The following VIPR2 variants were observed in gnomAD, a reference collection of about 807,000 sequenced individuals.
VIPR2 encodes the protein vasoactive intestinal peptide receptor 2.
In VIPR2, 48 loss-of-function variants were observed where a neutral mutation model predicts 58.0. The observed-to-expected ratio is 0.83, with a 90% CI of 0.66 to 1.05. VIPR2 has a LOEUF of 1.05. VIPR2 is among the 50% of genes least tolerant of loss of function. The pLI is 0.00. For synonymous variants in VIPR2, 243 were observed against 235.2 expected (o/e 1.03, Z -0.30); for missense variants, 534 against 558.0 (o/e 0.96, Z 0.43).
chr7:159,091,846 G>C (rs1489714118), intron 4 of VIPR2, among the ~76,000 whole-genome samples: 1 of 152,224 alleles, frequency 6.6e-6, no homozygotes, highest in African/African-American at 2.4e-5. Context: ...AAGCCACCTG[G>C]GCCAGGGGCA....
At position 159,096,973 on chromosome 7, in the gene VIPR2, C is replaced by A. The variant is rs749319488; in HGVS notation, c.357+6784G>T. On this transcript the variant is annotated intron_variant, in intron 4 of 12. Coordinates refer to ENST00000262178, the MANE Select transcript of VIPR2 (RefSeq NM_003382.5). The surrounding 1 kb of genome is among the most constrained non-coding windows in gnomAD (Gnocchi z 5.5). The stretch of plus-strand genomic sequence containing the variant: ...GCTTGGCACCTGCTGGGCCTGAGGA[C>A]CATGAGGGGAGGCTTCCTTCAGAAA... 26 of 1,550,604 alleles carry A rather than the reference C, an allele frequency of 1.7e-5. No individual in the cohort carries two copies. In the South Asian group the frequency reaches 2.5e-4, roughly 15 times the overall value.
intron 3 of VIPR2, 77 bp downstream of exon 3, chr7:159,109,735 G>T: frequency 2.9e-6 from 4 of 1,372,984 alleles, no homozygotes; most frequent in Non-Finnish European, 4.2e-6. Flanking sequence ...TGATGTTCCT[G>T]CTTCTTGGAT....
chr7:159,077,216 T>C (rs952402670), intron 4 of VIPR2, among the ~76,000 whole-genome samples: 14 of 152,286 alleles, frequency 9.2e-5, no homozygotes, highest in African/African-American at 3.1e-4. Flanking sequence ...GAGACAAAAG[T>C]TGTGTTCTGG....
Position 159,139,547 on chromosome 7 carries a change from C to T in VIPR2, c.151+2899G>A, listed in dbSNP as rs185875669. 4.2e-3 allele frequency among the ~76,000 whole-genome samples: 647 copies of T among 152,326 alleles called. 5 individuals carry two copies. Among genetic ancestry groups the T allele is most frequent in the Non-Finnish European group, 5.5e-3 (374 of 68,028 alleles). On this transcript the variant is annotated intron_variant, in intron 2 of 12. Transcript: ENST00000262178. ...ACCTCAAACCCTCCATAGTTCCTGA[C>T]ATGTAGATCGAAATTAGTTCAGCAT...
At chr7:159,091,992 T>G (rs1857532065) in intron 4 of VIPR2, among the ~76,000 whole-genome samples, 1 of 152,224 alleles carries the variant, frequency 6.6e-6, no homozygotes, top group Non-Finnish European at 1.5e-5. Context: ...CTCTGGAGGC[T>G]GAGGCACGAG....
chr7:159,075,192 C>T (rs1467919184), intron 4 of VIPR2, among the ~76,000 whole-genome samples: 1 of 152,174 alleles, frequency 6.6e-6, no homozygotes, highest in Non-Finnish European at 1.5e-5. Flanking sequence ...TGACCTTTGC[C>T]TGTGAGTCAA....
At chr7:159,042,982 G>C in intron 6 of VIPR2, 53 bp downstream of exon 6, 1 of 1,589,062 alleles carries the variant, frequency 6.3e-7, no homozygotes. Context: ...TGAGAAGAGG[G>C]AACAGAGATA....
At chr7:159,063,744 GGA>G (rs1855871223) in intron 4 of VIPR2, among the ~76,000 whole-genome samples, 1 of 142,112 alleles carries the variant, frequency 7.0e-6, no homozygotes, top group African/African-American at 2.6e-5. Context: ...GGGCCTGGCG[GGA>G]TCTGGGGGAC....
chr7:159,083,407 C>T (rs570942920), intron 4 of VIPR2, among the ~76,000 whole-genome samples: 1 of 152,246 alleles, frequency 6.6e-6, no homozygotes, highest in African/African-American at 2.4e-5. Flanking sequence ...TCAGGTAGTT[C>T]CCCTTCTGGG....
At chr7:159,069,912 G>A (rs1483700125) in intron 4 of VIPR2, among the ~76,000 whole-genome samples, 2 of 152,192 alleles carry the variant, frequency 1.3e-5, no homozygotes, top group Admixed American at 1.3e-4. Context: ...GTCGTTGGCT[G>A]ATTCTTGTTC....
At chr7:159,130,250 A>C (rs1796844307) in intron 2 of VIPR2, among the ~76,000 whole-genome samples, 1 of 152,190 alleles carries the variant, frequency 6.6e-6, no homozygotes, top group Non-Finnish European at 1.5e-5. Flanking sequence ...AAGTGATAAG[A>C]GCCCTTCCCC....
In VIPR2 at chr7:159,105,023, G is replaced by A. The variant is rs139796121; in HGVS notation, c.260-1169C>T. On this transcript the variant is annotated intron_variant, in intron 3 of 12. Coordinates refer to ENST00000262178, the MANE Select transcript of VIPR2 (RefSeq NM_003382.5). ...TTACAGTTTAATTGTAGGAAACCAA[G>A]GCAGTTGTTCCCTTACAATCTCATC... Among the ~76,000 whole-genome samples the A allele has an allele frequency of 2.0e-3, 311 of 152,370 alleles. 1 individual carries two copies. The highest frequency in any genetic ancestry group is 7.1e-3 in the African/African-American group (296 of 41,586).
At chr7:159,140,411 T>C (rs1797416060) in intron 2 of VIPR2, among the ~76,000 whole-genome samples, 1 of 152,200 alleles carries the variant, frequency 6.6e-6, no homozygotes. Flanking sequence ...TTTACATCCC[T>C]GGCATTTGAG....
chr7:159,036,130 T>C, intron 7 of VIPR2, 118 bp from the exon 8 acceptor site: 1 of 1,216,788 alleles, frequency 8.2e-7, no homozygotes, highest in Non-Finnish European at 1.1e-6. Flanking sequence ...TTAAGTGCAA[T>C]CTCTTGTTTA....
chr7:159,135,561 G>A (rs551942858), intron 2 of VIPR2, among the ~76,000 whole-genome samples: 24 of 152,242 alleles, frequency 1.6e-4, no homozygotes, highest in African/African-American at 5.1e-4. Context: ...AGTGGCTCAC[G>A]CCTGTAATCC....
At chr7:159,107,081 T>G (rs561732813) in intron 3 of VIPR2, among the ~76,000 whole-genome samples, 2 of 152,220 alleles carry the variant, frequency 1.3e-5, no homozygotes, top group South Asian at 4.2e-4. Flanking sequence ...AGGCCTCCCT[T>G]AGGGCTTCAG....
At chr7:159,059,043 C>T (rs1855484740) in intron 4 of VIPR2, among the ~76,000 whole-genome samples, 1 of 152,222 alleles carries the variant, frequency 6.6e-6, no homozygotes, top group South Asian at 2.1e-4. Context: ...CTTGCCTAAG[C>T]CAGAGCCAGC....
At position 159,127,599 on chromosome 7, in the gene VIPR2, T is replaced by C. The variant is rs1054365021; in HGVS notation, c.151+14847A>G. On this transcript the variant is annotated intron_variant, in intron 2 of 12. Transcript: ENST00000262178. This position sits in a 1 kb window ranked among gnomAD's most constrained non-coding sequence, Gnocchi z 4.6. ...ATCTCTGCCTAAAGAGAAGGCATCA[T>C]TGCAAATGCCTCAGAGGTGGGAGTC... is the stretch of plus-strand genomic sequence containing the variant. Among the ~76,000 whole-genome samples the C allele has an allele frequency of 5.9e-5, 9 of 152,134 alleles. No individual in the cohort carries two copies. Among genetic ancestry groups the C allele is most frequent in the Admixed American group, 2.0e-4 (3 of 15,284 alleles).
At chr7:159,071,808 A>C (rs1856411262) in intron 4 of VIPR2, among the ~76,000 whole-genome samples, 1 of 151,980 alleles carries the variant, frequency 6.6e-6, no homozygotes. Context: ...GCAGGTAAGA[A>C]AACACACATT....
Sources: gnomAD v4.1 joint callset for allele counts (sites outside exome capture counted in the v4.1 genomes callset) on GRCh38, gnomAD v4.1.1 for gene constraint, Gnocchi (gnomAD v3.1) non-coding constraint, MANE v1.5 for transcripts, NCBI Gene and HGNC (gene_info 2026-07-23, HGNC 2026-07-21) for gene names.